ANO1: variants seen among roughly 807,000 people sequenced by gnomAD.
The protein encoded by ANO1 is anoctamin-1.
ANO1 carries 59 observed loss-of-function variants against 124.0 expected under a neutral mutation model. The observed-to-expected ratio is 0.48, with a 90% CI of 0.39 to 0.59. The LOEUF (loss-of-function observed/expected upper bound fraction) is 0.59. ANO1 is among the 20% of genes least tolerant of loss of function. The pLI, the probability that ANO1 is intolerant of heterozygous loss-of-function variation, is 0.00. For missense variants in ANO1, 1,059 were observed against 1,328.0 expected (o/e 0.80, Z 3.15); for synonymous variants, 529 against 532.0 (o/e 0.99, Z 0.08).
chr11:70,080,255 G>T (rs1341016383), intron 1 of ANO1, among the ~76,000 whole-genome samples: 1 of 152,246 alleles, frequency 6.6e-6, no homozygotes. Flanking sequence ...GCCCAGAGGG[G>T]CAGGTGACCA....
chr11:70,181,501 G>T (rs1481044993), intron 23 of ANO1, among the ~76,000 whole-genome samples: 2 of 152,244 alleles, frequency 1.3e-5, no homozygotes, highest in African/African-American at 2.4e-5. Flanking sequence ...GGCGCGCAGG[G>T]CCCTGAGGCA....
At chr11:70,187,663 G>C in intron 25 of ANO1, 75 bp from the exon 26 acceptor site, 1 of 1,510,552 alleles carries the variant, frequency 6.6e-7, no homozygotes, top group Non-Finnish European at 8.9e-7. Flanking sequence ...CACCAGATGG[G>C]GGCCAGGCAG....
chr11:70,062,074 T>C (rs1487880907), intron 1 of ANO1, among the ~76,000 whole-genome samples: 1 of 138,260 alleles, frequency 7.2e-6, no homozygotes, highest in African/African-American at 2.7e-5. Flanking sequence ...TTTCTTTTTT[T>C]TTTTTTTTTT....
At chr11:70,136,012 C>G (rs1333510213) in intron 11 of ANO1, among the ~76,000 whole-genome samples, 1 of 152,208 alleles carries the variant, frequency 6.6e-6, no homozygotes, top group African/African-American at 2.4e-5. Context: ...CGAGCCCCTC[C>G]CCCCAGACCT....
chr11:69,973,364 C>G, the ANO1 span, among the ~76,000 whole-genome samples: 2 of 152,224 alleles, frequency 1.3e-5, no homozygotes. Context: ...ATCCTCAGCA[C>G]TTCGACCTGC....
At chr11:70,095,000 A>T (rs1157033737) in intron 2 of ANO1, among the ~76,000 whole-genome samples, 1 of 152,098 alleles carries the variant, frequency 6.6e-6, no homozygotes, top group African/African-American at 2.4e-5. Context: ...TGAGGTCAGG[A>T]GATCAAGTCC....
chr11:70,111,881 C>A, intron 7 of ANO1, 119 bp downstream of exon 7: 1 of 1,058,134 alleles, frequency 9.5e-7, no homozygotes, highest in South Asian at 1.3e-5. Flanking sequence ...TTGGCTCTCG[C>A]TGTAAATGTC....
At chr11:70,124,543 T>A in intron 9 of ANO1, 129 bp downstream of exon 9, 1 of 901,898 alleles carries the variant, frequency 1.1e-6, no homozygotes, top group Non-Finnish European at 1.7e-6. Flanking sequence ...AGAGCTTGTG[T>A]AGGAAGACCC....
intron 16 of ANO1, among the ~76,000 whole-genome samples, chr11:70,160,355 G>A (rs917498157): frequency 2.0e-5 from 3 of 152,166 alleles, no homozygotes; most frequent in African/African-American, 7.2e-5. Context: ...CCCCTGGGCA[G>A]GGCGGGGCAG....
chr11:70,150,321 T>C (rs773777263), intron 12 of ANO1, among the ~76,000 whole-genome samples: 11 of 152,094 alleles, frequency 7.2e-5, no homozygotes, highest in Admixed American at 1.3e-4. Context: ...ATCTTCATAC[T>C]CCAGAGAGAG....
intron 1 of ANO1, among the ~76,000 whole-genome samples, chr11:70,032,191 T>C (rs541422605): frequency 6.6e-6 from 1 of 152,212 alleles, no homozygotes; most frequent in East Asian, 1.9e-4. Context: ...AGGTAGTGGG[T>C]CCTGGGAAGG....
chr11:70,087,226 A>G (rs1347747519), intron 1 of ANO1, among the ~76,000 whole-genome samples: 1 of 152,222 alleles, frequency 6.6e-6, no homozygotes, highest in East Asian at 1.9e-4. Flanking sequence ...TAATCACCTC[A>G]TGGAAAACTG....
intron 16 of ANO1, among the ~76,000 whole-genome samples, chr11:70,157,851 G>A (rs761074314): frequency 6.6e-6 from 1 of 151,834 alleles, no homozygotes; most frequent in African/African-American, 2.4e-5. Flanking sequence ...GTGGTCGTGC[G>A]CGCCTGTGGT....
chr11:70,017,814 C>A (rs376979234), intron 1 of ANO1, among the ~76,000 whole-genome samples: 1 of 152,130 alleles, frequency 6.6e-6, no homozygotes, highest in Non-Finnish European at 1.5e-5. Context: ...GCCACAGTAC[C>A]TGGCCTATTT....
intron 16 of ANO1, 41 bp from the exon 17 acceptor site, chr11:70,161,120 G>A (rs1243137003): frequency 1.3e-6 from 2 of 1,576,920 alleles, no homozygotes; most frequent in Admixed American, 1.7e-5. Context: ...GGAAGGTCCT[G>A]GGTGGGCCCC....
chr11:70,054,155 C>T (rs7950514), intron 1 of ANO1, among the ~76,000 whole-genome samples: 146 of 152,306 alleles, frequency 9.6e-4, no homozygotes, highest in Middle Eastern at 3.4e-3. Context: ...CCTCACCCCT[C>T]GTCACAGGTG....
intron 1 of ANO1, among the ~76,000 whole-genome samples, chr11:70,042,264 T>G (rs1362647881): frequency 2.6e-5 from 4 of 152,140 alleles, no homozygotes; most frequent in Non-Finnish European, 5.9e-5. Flanking sequence ...CAGGGCTGAT[T>G]CCTGAGAAAA....
chr11:70,002,694 T>G (rs1288579327), intron 1 of ANO1, among the ~76,000 whole-genome samples: 1 of 152,112 alleles, frequency 6.6e-6, no homozygotes, highest in Admixed American at 6.6e-5. Flanking sequence ...GGTGCATGAC[T>G]GCATTTTCTA....
At chr11:70,186,339 G>A (rs1369929863) in intron 25 of ANO1, among the ~76,000 whole-genome samples, 1 of 146,962 alleles carries the variant, frequency 6.8e-6, no homozygotes, top group Non-Finnish European at 1.5e-5. Context: ...GGAGGAGGAC[G>A]AGGAGGGGGA....
Sources: allele counts gnomAD v4.1 joint callset (sites outside exome capture counted in the v4.1 genomes callset), GRCh38; gene constraint gnomAD v4.1.1; transcripts MANE v1.5; gene names NCBI Gene and HGNC (gene_info 2026-07-23, HGNC 2026-07-21).